The following TRRAP variants were observed in gnomAD, a reference collection of about 807,000 sequenced individuals.
TRRAP encodes transformation/transcription domain-associated protein.
TRRAP carries 41 observed loss-of-function variants against 438.8 expected under a neutral mutation model. The observed-to-expected ratio is 0.09, with a 90% CI of 0.07 to 0.12. The LOEUF (loss-of-function observed/expected upper bound fraction) is 0.12, where lower values mean the gene tolerates loss of function less well. Among genes scored for constraint, TRRAP ranks in the 10% least tolerant of loss-of-function variants. The probability of loss-of-function intolerance (pLI) is 1.00; values close to 1 mark genes in which losing one functional copy is unlikely to be tolerated. For synonymous variants in TRRAP, 1,994 were observed against 1,962.9 expected, an observed-to-expected ratio of 1.02 and a Z score of -0.42; for missense variants, 3,122 against 5,055.1, an observed-to-expected ratio of 0.62 and a Z score of 11.60.
intron 10 of TRRAP, among the ~76,000 whole-genome samples, chr7:98,900,415 T>C (rs782656590): frequency 2.4e-4 from 36 of 152,208 alleles, no homozygotes; most frequent in Admixed American, 2.0e-3. Context: ...TGCTATGGAA[T>C]GGGCTGGAGA....
In TRRAP at chr7:98,887,166, C is replaced by T. The variant is rs144399847; in HGVS notation, c.151-3169C>T. Among the ~76,000 whole-genome samples, 5 of 152,304 alleles carry T rather than the reference C, an allele frequency of 3.3e-5. No individual in the cohort carries two copies. In the East Asian group the frequency reaches 9.6e-4, roughly 29 times the overall value. On this transcript the variant is annotated intron_variant, in intron 3 of 72. Coordinates refer to ENST00000456197, the MANE Select transcript of TRRAP (RefSeq NM_001375524.1). ...AACTCCTGGGCCCAAGCAATAGTCC[C>T]ACCTTGTCTTCCTAAATAAAGTGCT...
At chr7:98,891,668 T>C (rs927160336) in intron 4 of TRRAP, among the ~76,000 whole-genome samples, 37 of 151,804 alleles carry the variant, frequency 2.4e-4, no homozygotes, top group African/African-American at 8.7e-4. Context: ...CCCGAGTAGC[T>C]GGGACTACAG....
rs1795409985 is a variant in TRRAP at position 98,881,159 on chromosome 7, T to C, written c.9T>C (p.Phe3=). The C allele has an allele frequency of 1.2e-6, 2 of 1,604,088 alleles. No individual in the cohort carries two copies. The highest frequency in any genetic ancestry group is 1.7e-6 in the Non-Finnish European group (2 of 1,175,316). Residue 3 remains phenylalanine, a synonymous_variant, in exon 2 of 73, where the codon TTT becomes TTC. Transcript: ENST00000456197. The stretch of plus-strand genomic sequence containing the variant: ...ACCAGCCCAAAAGAAAAATGGCGTT[T>C]GTTGCAACACAGGGGGCCACGGTGG... MA[F]VATQGATVVD... is the part of the protein sequence containing the mutation.
chr7:98,966,921 G>A (rs1233224670), intron 49 of TRRAP, 120 bp from the exon 50 acceptor site: 6 of 1,028,456 alleles, frequency 5.8e-6, no homozygotes, highest in Non-Finnish European at 6.9e-6. Flanking sequence ...AGCCATCTTT[G>A]CCTTACTGTT....
At chr7:98,970,060 C>A (rs1792342252) in intron 51 of TRRAP, 52 bp from the exon 52 acceptor site, 1 of 1,591,348 alleles carries the variant, frequency 6.3e-7, no homozygotes, top group South Asian at 1.1e-5. Flanking sequence ...TCCAGATGCC[C>A]TGAATGCCAC....
At chr7:98,954,779 G>C (rs1298225102) in intron 40 of TRRAP, among the ~76,000 whole-genome samples, 2 of 152,218 alleles carry the variant, frequency 1.3e-5, no homozygotes, top group African/African-American at 4.8e-5. Context: ...GTCGGAGGGA[G>C]ATGAGCCATG....
chr7:98,958,106 T>C lies in TRRAP; in HGVS notation c.6342+15T>C. The C allele has an allele frequency of 6.2e-7, 1 of 1,611,094 alleles. No individual in the cohort carries two copies. The highest frequency in any genetic ancestry group is 8.5e-7 in the Non-Finnish European group (1 of 1,177,964). On this transcript the variant is annotated intron_variant, in intron 44 of 72. Coordinates refer to ENST00000456197, the MANE Select transcript of TRRAP (RefSeq NM_001375524.1). ...TGGCCTGTCAGGTACGGGATCCAAG[T>C]GCCCTGCGTTAGGGCTTCTGCAGAC... is the stretch of plus-strand genomic sequence containing the variant.
intron 20 of TRRAP, among the ~76,000 whole-genome samples, chr7:98,920,967 G>A (rs2116463457): frequency 6.6e-6 from 1 of 152,224 alleles, no homozygotes; most frequent in South Asian, 2.1e-4. Flanking sequence ...AGCCTCCCCA[G>A]TAGCTGGGAT....
chr7:98,880,264 T>C (rs1795362788), intron 1 of TRRAP, among the ~76,000 whole-genome samples: 1 of 96,828 alleles, frequency 1.0e-5, no homozygotes, highest in African/African-American at 1.7e-4. Flanking sequence ...TTGTTGTTGT[T>C]TTTTTTTTTT....
Position 98,900,730 on chromosome 7 carries a change from T to C in TRRAP, c.897+10T>C. On this transcript the variant is annotated intron_variant, in intron 11 of 72. Transcript: ENST00000456197. Reference sequence around the variant, plus strand: ...TATCAGGATTTACCAGGTAAGGTCATTGACTTTTATGTCAGGTTTATTGAG... The same window carrying C: ...TATCAGGATTTACCAGGTAAGGTCACTGACTTTTATGTCAGGTTTATTGAG... 5 of 1,605,526 alleles carry C rather than the reference T, an allele frequency of 3.1e-6. No individual in the cohort carries two copies. Among genetic ancestry groups the C allele is most frequent in the Admixed American group, 1.7e-5 (1 of 58,742 alleles).
At chr7:98,935,416 G>T (rs1406234342) in intron 27 of TRRAP, among the ~76,000 whole-genome samples, 163 bp from the exon 28 acceptor site, 2 of 152,200 alleles carry the variant, frequency 1.3e-5, no homozygotes, top group Non-Finnish European at 2.9e-5. Flanking sequence ...CCTTAAAGAG[G>T]CTCAGTCATA....
In TRRAP at chr7:98,961,405, A is replaced by G. The variant is rs886082058; in HGVS notation, c.6634A>G (p.Asn2212Asp). 1 of 1,614,180 alleles carries G rather than the reference A, an allele frequency of 6.2e-7. No individual in the cohort carries two copies. The highest frequency in any genetic ancestry group is 1.6e-4 in the Middle Eastern group (1 of 6,062). The change falls in exon 46 of 73, where the codon AAC (asparagine) becomes GAC (aspartate). Residue 2212 changes from asparagine to aspartate, a missense_variant. This residue lies in a region of TRRAP where 992 missense variants were observed against 1,281.2 expected (regional missense o/e 0.77). Transcript: ENST00000456197. Reference protein sequence around the residue: ...RGIAACMTCGNTKVLRAVHSL... With the variant: ...RGIAACMTCGDTKVLRAVHSL... ...AATTGCCGCCTGCATGACATGTGGA[A>G]ACACCAAGGTGTTGCGAGCCGTCCA...
chr7:98,954,172 C>A (rs1190172897), intron 40 of TRRAP, among the ~76,000 whole-genome samples: 3 of 151,788 alleles, frequency 2.0e-5, no homozygotes, highest in African/African-American at 4.8e-5. Context: ...GGTTGGGCAC[C>A]CCGGGTTTGA....
At chr7:98,909,046 CAGATCCT>C in intron 14 of TRRAP, 84 bp downstream of exon 14, 1 of 1,080,986 alleles carries the variant, frequency 9.3e-7, no homozygotes, top group Admixed American at 2.6e-5. Context: ...TTTTTTGAGA[CAGATCCT>C]TGTTCTGTTG....
At chr7:99,004,556 G>GTA (rs1453647571) in intron 68 of TRRAP, 141 bp downstream of exon 68, 1 of 779,420 alleles carries the variant, frequency 1.3e-6, no homozygotes, top group Non-Finnish European at 2.0e-6. Flanking sequence ...ATTCTGGAAT[G>GTA]TAAGTGGTCA....
rs79998299 is a variant in TRRAP at position 98,937,841 on chromosome 7, C to T, written c.4404+21C>T. ...TGATGGTAAGCCAAATGCATTTAAA[C>T]GCTCTGTAACAAACTTTCAAAAAAT... On this transcript the variant is annotated intron_variant, in intron 30 of 72. Coordinates refer to ENST00000456197, the MANE Select transcript of TRRAP (RefSeq NM_001375524.1). 905 of 1,591,820 alleles carry T rather than the reference C, an allele frequency of 5.7e-4. 2 individuals carry two copies. In the African/African-American group the frequency reaches 0.011, roughly 19 times the overall value.
In TRRAP at chr7:98,990,379, A is replaced by C. The variant is rs1049086773; in HGVS notation, c.9592-76A>C. 2.9e-4 allele frequency: 449 copies of C among 1,547,426 alleles called. 1 individual carries two copies. The highest frequency in any genetic ancestry group is 3.7e-4 in the Non-Finnish European group (413 of 1,129,998). On this transcript the variant is annotated intron_variant, in intron 63 of 72. Transcript: ENST00000456197. Reference sequence around the variant, plus strand: ...GTAAAGCCGCTCTATACAGTGTTGTAATGTTGGGGAAAAAGTCTCTTGCTT... The same window carrying C: ...GTAAAGCCGCTCTATACAGTGTTGTCATGTTGGGGAAAAAGTCTCTTGCTT...
intron 19 of TRRAP, among the ~76,000 whole-genome samples, 189 bp downstream of exon 19, chr7:98,916,077 C>T (rs529901958): frequency 2.7e-5 from 4 of 148,022 alleles, no homozygotes; most frequent in South Asian, 4.3e-4. Context: ...CTTTGAAGGG[C>T]GCTGCCTTCA....
At chr7:99,009,303 A>C (rs1794329595) in intron 70 of TRRAP, among the ~76,000 whole-genome samples, 1 of 152,164 alleles carries the variant, frequency 6.6e-6, no homozygotes, top group Admixed American at 6.5e-5. Flanking sequence ...GAGAGACCAC[A>C]GAGGTGGATG....
Sources: allele counts gnomAD v4.1 joint callset (sites outside exome capture counted in the v4.1 genomes callset), GRCh38; gene constraint gnomAD v4.1.1; regional missense constraint gnomAD v4.1.1; transcripts MANE v1.5; gene names NCBI Gene and HGNC (gene_info 2026-07-23, HGNC 2026-07-21).